The following PRKG1 variants were observed in gnomAD, a reference collection of about 807,000 sequenced individuals.
PRKG1 encodes the protein protein kinase cGMP-dependent 1.
Under a neutral mutation model 88.1 loss-of-function variants are expected in PRKG1, and 35 were observed. The ratio of observed to expected loss-of-function variants is 0.40; its 90% CI spans 0.30 to 0.53. The LOEUF (loss-of-function observed/expected upper bound fraction) is 0.53. Ranked by LOEUF, PRKG1 falls within the 20% of genes least tolerant of loss-of-function variation. The pLI is 0.59. For missense variants in PRKG1, 540 were observed against 839.8 expected (o/e 0.64, Z 4.41); for synonymous variants, 303 against 292.5 (o/e 1.04, Z -0.37).
intron 3 of PRKG1, among the ~76,000 whole-genome samples, chr10:51,580,860 C>G (rs947432914): frequency 6.6e-6 from 1 of 152,006 alleles, no homozygotes. Flanking sequence ...CTACTTGACA[C>G]CAAGCGGGGT....
At chr10:51,963,334 T>C (rs949476240) in intron 5 of PRKG1, among the ~76,000 whole-genome samples, 1 of 152,206 alleles carries the variant, frequency 6.6e-6, no homozygotes, top group African/African-American at 2.4e-5. Context: ...AAGATGATGA[T>C]TTAGCACGTG....
chr10:51,652,519 C>G (rs1840064472), intron 3 of PRKG1, among the ~76,000 whole-genome samples: 1 of 151,960 alleles, frequency 6.6e-6, no homozygotes, highest in Admixed American at 6.6e-5. Context: ...AAGAACTTTT[C>G]CAGAGCTCCT....
At chr10:51,863,374 T>C (rs1840936504) in intron 4 of PRKG1, among the ~76,000 whole-genome samples, 1 of 152,192 alleles carries the variant, frequency 6.6e-6, no homozygotes, top group Non-Finnish European at 1.5e-5. Flanking sequence ...TTGTTGATGG[T>C]CTTTGTTTCC....
At chr10:51,627,644 A>G (rs1293502240) in intron 3 of PRKG1, among the ~76,000 whole-genome samples, 3 of 152,190 alleles carry the variant, frequency 2.0e-5, no homozygotes, top group Non-Finnish European at 2.9e-5. Flanking sequence ...GCAGAACACC[A>G]TTAGTGGTTG....
At chr10:51,047,508 A>C (rs972514315) in intron 1 of PRKG1, among the ~76,000 whole-genome samples, 1 of 152,052 alleles carries the variant, frequency 6.6e-6, no homozygotes, top group Non-Finnish European at 1.5e-5. Context: ...GATCCATGAG[A>C]TAAATTGAGC....
chr10:51,570,431 G>A (rs1837723485), intron 3 of PRKG1, among the ~76,000 whole-genome samples: 3 of 151,924 alleles, frequency 2.0e-5, no homozygotes. Context: ...AAGTGGAAAT[G>A]GATCACCATA....
chr10:51,363,361 C>T lies in PRKG1; in HGVS notation c.479-104362C>T, dbSNP rs569969011. 1.1e-4 allele frequency among the ~76,000 whole-genome samples: 16 copies of T among 151,960 alleles called. No individual in the cohort carries two copies. In the South Asian group the frequency reaches 2.1e-3, roughly 20 times the overall value. ...TTTACAACTTTCTTTTCATCTCTCACGGAATCTACCTATGTATATACTTTG... is the reference window on the plus strand; with the variant it reads ...TTTACAACTTTCTTTTCATCTCTCATGGAATCTACCTATGTATATACTTTG... On this transcript the variant is annotated intron_variant, in intron 2 of 17. Coordinates refer to ENST00000373980, the MANE Select transcript of PRKG1 (RefSeq NM_006258.4).
At chr10:52,214,217 A>T (rs1840054914) in intron 9 of PRKG1, among the ~76,000 whole-genome samples, 1 of 152,192 alleles carries the variant, frequency 6.6e-6, no homozygotes, top group Non-Finnish European at 1.5e-5. Flanking sequence ...CAAAAGTGCA[A>T]CAGTAGCATA....
intron 3 of PRKG1, among the ~76,000 whole-genome samples, chr10:51,756,032 T>G (rs1837851116): frequency 6.6e-6 from 1 of 152,220 alleles, no homozygotes; most frequent in South Asian, 2.1e-4. Flanking sequence ...AGACAGACGA[T>G]AAATTAAAAA....
intron 5 of PRKG1, among the ~76,000 whole-genome samples, chr10:51,981,555 C>CA (rs1844011183): frequency 6.6e-6 from 1 of 151,998 alleles, no homozygotes; most frequent in Admixed American, 6.6e-5. Flanking sequence ...CACTGTGCTT[C>CA]AGCTTGGGTG....
Position 52,193,548 on chromosome 10 carries a change from C to CAAAAAAAAA in PRKG1, c.1076+31591_1076+31599dup, listed in dbSNP as rs34730000. On this transcript the variant is annotated intron_variant, in intron 9 of 17. Coordinates refer to ENST00000373980, the MANE Select transcript of PRKG1 (RefSeq NM_006258.4). ...GAACAAAAAGAGTGAGACTCTGTCT[C>CAAAAAAAAA]AAAAAAAAAAAAAACAAAAAAAAAA... Among the ~76,000 whole-genome samples the CAAAAAAAAA allele has an allele frequency of 6.8e-4, 29 of 42,828 alleles. 3 individuals are homozygous for CAAAAAAAAA. The highest frequency in any genetic ancestry group is 2.1e-3 in the African/African-American group (28 of 13,536). 28.1% of individuals were successfully genotyped at this position (42,828 alleles called of 152,430 possible). A position where few individuals can be genotyped will look rare whatever the true frequency, so the allele number is the denominator to read the frequency against.
chr10:51,107,153 C>T (rs941592558), intron 1 of PRKG1, among the ~76,000 whole-genome samples: 1 of 152,032 alleles, frequency 6.6e-6, no homozygotes, highest in Non-Finnish European at 1.5e-5. Flanking sequence ...AGAGCAAGTC[C>T]AAGGGCCCTA....
At chr10:51,140,491 G>A (rs544745777) in intron 1 of PRKG1, among the ~76,000 whole-genome samples, 3 of 152,290 alleles carry the variant, frequency 2.0e-5, no homozygotes, top group Non-Finnish European at 2.9e-5. Flanking sequence ...TTGTTAAGAG[G>A]GGGTCTGGGG....
At chr10:51,182,338 G>A (rs565005565) in intron 2 of PRKG1, among the ~76,000 whole-genome samples, 1 of 152,306 alleles carries the variant, frequency 6.6e-6, no homozygotes, top group African/African-American at 2.4e-5. Context: ...TTATGCCTGA[G>A]AATGGATTTA....
chr10:51,689,471 G>A (rs1841082389), intron 3 of PRKG1, among the ~76,000 whole-genome samples: 1 of 152,148 alleles, frequency 6.6e-6, no homozygotes, highest in Non-Finnish European at 1.5e-5. Flanking sequence ...ATAATGAAGA[G>A]TAACTCATTC....
At chr10:51,454,254 T>G (rs1839518587) in intron 2 of PRKG1, among the ~76,000 whole-genome samples, 1 of 151,846 alleles carries the variant, frequency 6.6e-6, no homozygotes, top group Non-Finnish European at 1.5e-5. Flanking sequence ...ACCCTAAAAT[T>G]TATATGGAAC....
At chr10:52,086,105 T>C (rs944493269) in intron 7 of PRKG1, among the ~76,000 whole-genome samples, 1 of 152,102 alleles carries the variant, frequency 6.6e-6, no homozygotes, top group Non-Finnish European at 1.5e-5. Context: ...TTTCCTCTTG[T>C]TTAATTTTCT....
At chr10:52,267,091 G>T (rs1841593009) in intron 10 of PRKG1, among the ~76,000 whole-genome samples, 1 of 151,688 alleles carries the variant, frequency 6.6e-6, no homozygotes, top group African/African-American at 2.4e-5. Context: ...GGACACAAGT[G>T]GACTTTGTAT....
At chr10:52,177,967 G>A (rs1267437161) in intron 9 of PRKG1, among the ~76,000 whole-genome samples, 1 of 143,918 alleles carries the variant, frequency 6.9e-6, no homozygotes, top group African/African-American at 2.5e-5. Context: ...GTTTTGCATT[G>A]CTTTTTTTTT....
Sources: gnomAD v4.1 joint callset for allele counts (sites outside exome capture counted in the v4.1 genomes callset) on GRCh38, gnomAD v4.1.1 for gene constraint, MANE v1.5 for transcripts, NCBI Gene and HGNC (gene_info 2026-07-23, HGNC 2026-07-21) for gene names.